EVI5: variants seen among roughly 807,000 people sequenced by gnomAD.
The protein encoded by EVI5 is ecotropic viral integration site 5.
EVI5 carries 73 observed loss-of-function variants against 112.0 expected under a neutral mutation model. That is an observed-to-expected ratio of 0.65 (90% CI 0.54 to 0.79). The LOEUF is 0.79. Ranked by LOEUF, EVI5 falls within the 30% of genes least tolerant of loss-of-function variation. The pLI, the probability that EVI5 is intolerant of heterozygous loss-of-function variation, is 0.00. For missense variants in EVI5, 900 were observed against 968.8 expected, an observed-to-expected ratio of 0.93 and a Z score of 0.94; for synonymous variants, 305 against 319.9, an observed-to-expected ratio of 0.95 and a Z score of 0.50.
chr1:92,601,314 A>G (rs997147984), intron 18 of EVI5, among the ~76,000 whole-genome samples: 1 of 152,204 alleles, frequency 6.6e-6, no homozygotes, highest in African/African-American at 2.4e-5. Context: ...TAAATCCTCA[A>G]AAAATCAAAA....
chr1:92,643,291 CT>C (rs34807551), intron 13 of EVI5, among the ~76,000 whole-genome samples: 7,376 of 122,812 alleles, frequency 0.06, 596 homozygotes, highest in African/African-American at 0.2. Context: ...TAACTCAAAT[CT>C]TTTTTTTTTT....
At chr1:92,632,300 C>T (rs1454701467) in intron 14 of EVI5, among the ~76,000 whole-genome samples, 1 of 152,130 alleles carries the variant, frequency 6.6e-6, no homozygotes, top group Non-Finnish European at 1.5e-5. Context: ...GGCTGTGAAT[C>T]CATCTGGTCC....
intron 13 of EVI5, among the ~76,000 whole-genome samples, chr1:92,640,063 C>T (rs747516347): frequency 9.9e-5 from 15 of 152,166 alleles, no homozygotes; most frequent in Admixed American, 1.3e-4. Context: ...TAGCCATATG[C>T]AGCAAACTGA....
At chr1:92,645,967 G>A (rs1000092591) in intron 13 of EVI5, among the ~76,000 whole-genome samples, 1 of 152,048 alleles carries the variant, frequency 6.6e-6, no homozygotes, top group African/African-American at 2.4e-5. Flanking sequence ...CCCCAGCCCT[G>A]AGTGAATCTC....
At chr1:92,684,670 A>C (rs1668200636) in intron 9 of EVI5, among the ~76,000 whole-genome samples, 1 of 152,142 alleles carries the variant, frequency 6.6e-6, no homozygotes, top group Non-Finnish European at 1.5e-5. Context: ...CTCACGTGCA[A>C]AGACACACAT....
chr1:92,579,612 T>G (rs1671626229), intron 18 of EVI5, among the ~76,000 whole-genome samples: 1 of 152,238 alleles, frequency 6.6e-6, no homozygotes, highest in Non-Finnish European at 1.5e-5. Context: ...CCCCTCTGTA[T>G]ACATTTCTCC....
chr1:92,781,450 T>C (rs982754110), intron 1 of EVI5, among the ~76,000 whole-genome samples: 2 of 151,362 alleles, frequency 1.3e-5, no homozygotes, highest in Non-Finnish European at 2.9e-5. Context: ...GAGGCGGAGG[T>C]TGCAGTGTTC....
intron 18 of EVI5, among the ~76,000 whole-genome samples, chr1:92,594,837 C>G (rs918110927): frequency 6.6e-6 from 1 of 151,164 alleles, no homozygotes; most frequent in Non-Finnish European, 1.5e-5. Flanking sequence ...CACTGGCCAT[C>G]AGAGAAATGC....
intron 18 of EVI5, among the ~76,000 whole-genome samples, chr1:92,589,191 A>C (rs910828381): frequency 2.0e-5 from 3 of 152,198 alleles, no homozygotes; most frequent in African/African-American, 7.2e-5. Flanking sequence ...AGCGTGAGTG[A>C]TGCAGAAGAT....
At chr1:92,620,226 C>A (rs760921364) in intron 16 of EVI5, among the ~76,000 whole-genome samples, 1 of 151,830 alleles carries the variant, frequency 6.6e-6, no homozygotes, top group East Asian at 1.9e-4. Context: ...TGCCTGTAAT[C>A]CCAGTTACTT....
chr1:92,664,522 T>G (rs924224763), intron 11 of EVI5, among the ~76,000 whole-genome samples: 9 of 148,888 alleles, frequency 6.0e-5, no homozygotes, highest in Non-Finnish European at 1.2e-4. Context: ...CATATTTGAC[T>G]GTAAGCTAGA....
chr1:92,628,804 T>A (rs919014993), intron 14 of EVI5, among the ~76,000 whole-genome samples: 1 of 152,254 alleles, frequency 6.6e-6, no homozygotes, highest in Non-Finnish European at 1.5e-5. Context: ...CTCATAGGGA[T>A]GATGGAATGA....
chr1:92,613,582 GC>G (rs1413111759), intron 16 of EVI5, among the ~76,000 whole-genome samples: 6 of 151,516 alleles, frequency 4.0e-5, no homozygotes, highest in Non-Finnish European at 7.4e-5. Flanking sequence ...GAGCCACCAC[GC>G]CCAGCCATTT....
Position 92,624,321 on chromosome 1 carries a change from C to T in EVI5, c.1682G>A (p.Arg561His), listed in dbSNP as rs201423013. 79 of 1,613,012 alleles carry T rather than the reference C, an allele frequency of 4.9e-5. No homozygotes were observed. In the Middle Eastern group the frequency reaches 8.3e-4, roughly 17 times the overall value. ...LEEHWQRHLA[R>H]TTGRWKDPPK... is the part of the protein sequence containing the mutation. ...TGGGTCTTTCCATCTCCCAGTAGTA[C>T]GAGCTAAGTGGCGCTAAAGCATAAA... The change falls in exon 16 of 20, where the codon CGT becomes CAT. Residue 561 changes from arginine to histidine, a missense_variant. By Grantham distance (29) the Arg-to-His change is conservative. Coordinates refer to ENST00000684568, the MANE Select transcript of EVI5 (RefSeq NM_001350197.2).
intron 18 of EVI5, among the ~76,000 whole-genome samples, chr1:92,572,525 A>T (rs1293218250): frequency 1.3e-5 from 2 of 152,156 alleles, no homozygotes; most frequent in Non-Finnish European, 2.9e-5. Flanking sequence ...ATGAAAAGAT[A>T]TAAGTCCCCC....
At chr1:92,645,022 C>A (rs1572081280) in intron 13 of EVI5, among the ~76,000 whole-genome samples, 1 of 152,162 alleles carries the variant, frequency 6.6e-6, no homozygotes, top group Non-Finnish European at 1.5e-5. Context: ...TCTATCAGGG[C>A]AGGTTGGATG....
chr1:92,610,272 CT>C, intron 16 of EVI5, among the ~76,000 whole-genome samples: 1 of 152,278 alleles, frequency 6.6e-6, no homozygotes, highest in East Asian at 1.9e-4. Context: ...ATCACAGCCT[CT>C]TTTTACTGTC....
At chr1:92,697,626 G>C (rs892493504) in intron 6 of EVI5, among the ~76,000 whole-genome samples, 6 of 152,090 alleles carry the variant, frequency 3.9e-5, no homozygotes, top group Non-Finnish European at 8.8e-5. Context: ...AGTACATTTG[G>C]CAGAAATGCT....
intron 18 of EVI5, among the ~76,000 whole-genome samples, chr1:92,579,442 A>G (rs1275743567): frequency 1.3e-5 from 2 of 152,246 alleles, no homozygotes; most frequent in Middle Eastern, 3.2e-3. Context: ...GGTACAAAAA[A>G]TAAAACAAAG....
Sources: gnomAD v4.1 joint callset for allele counts (sites outside exome capture counted in the v4.1 genomes callset) on GRCh38, gnomAD v4.1.1 for gene constraint, MANE v1.5 for transcripts, NCBI Gene and HGNC (gene_info 2026-07-23, HGNC 2026-07-21) for gene names.